Variants in CUX2 observed in about 807,000 individuals in gnomAD.
The protein encoded by CUX2 is homeobox protein cut-like 2.
A neutral mutation model predicts 144.8 loss-of-function variants in CUX2; 40 were observed. That is an observed-to-expected ratio of 0.28 (90% CI 0.21 to 0.36). CUX2 has a LOEUF of 0.36. Ranked by LOEUF, CUX2 falls within the 10% of genes least tolerant of loss-of-function variation. The pLI is 1.00. For missense variants in CUX2, 1,615 were observed against 1,994.0 expected, an observed-to-expected ratio of 0.81 and a Z score of 3.62; for synonymous variants, 827 against 875.6, an observed-to-expected ratio of 0.94 and a Z score of 0.98.
intron 1 of CUX2, among the ~76,000 whole-genome samples, chr12:111,176,619 A>T (rs1363430809): frequency 2.0e-5 from 3 of 152,010 alleles, no homozygotes; most frequent in Admixed American, 6.6e-5. Flanking sequence ...TTGGATGGGG[A>T]AAAAAAGGTT....
At position 111,349,715 on chromosome 12, in the gene CUX2, A is replaced by G. The variant is rs1592997513; in HGVS notation, c.*1390A>G. ...TCTAGGGTGAGAGTTCCCAATTTGGATAGAACGGCCACCATATTGGTTACT... is the reference window on the plus strand; with the variant it reads ...TCTAGGGTGAGAGTTCCCAATTTGGGTAGAACGGCCACCATATTGGTTACT... On this transcript the variant is annotated 3_prime_UTR_variant, in exon 22 of 22. Coordinates refer to ENST00000261726, the MANE Select transcript of CUX2 (RefSeq NM_015267.4). The G allele has an allele frequency of 6.6e-6, 1 of 152,278 alleles. No individual in the cohort carries two copies. Among genetic ancestry groups the G allele is most frequent in the East Asian group, 1.9e-4 (1 of 5,184 alleles). The allele number at this position is 152,278 out of a possible 1,614,324, so 9.4% of individuals were successfully genotyped here. A position where few individuals can be genotyped will look rare whatever the true frequency, so the allele number is the denominator to read the frequency against.
At chr12:111,311,603 A>ATT (rs369788655) in intron 15 of CUX2, among the ~76,000 whole-genome samples, 11,450 of 130,974 alleles carry the variant, frequency 0.087, 777 homozygotes, top group African/African-American at 0.18. Context: ...TATTATTATT[A>ATT]TTTTTTTTTT....
In CUX2 at chr12:111,037,870, G is replaced by A. The variant is rs1354954869; in HGVS notation, c.63+3630G>A. Reference sequence around the variant, plus strand: ...GTTAATTGAGCTAACAATGAGCTGGGGGGCACCCAGTCCAAATGAGGGTCC... The same window carrying A: ...GTTAATTGAGCTAACAATGAGCTGGAGGGCACCCAGTCCAAATGAGGGTCC... On this transcript the variant is annotated intron_variant, in intron 1 of 21. Coordinates refer to ENST00000261726, the MANE Select transcript of CUX2 (RefSeq NM_015267.4). This position sits in a 1 kb window ranked among gnomAD's most constrained non-coding sequence, Gnocchi z 5.4. 6.6e-6 allele frequency among the ~76,000 whole-genome samples: 1 copy of A among 152,092 alleles called. No individual in the cohort carries two copies. Among genetic ancestry groups the A allele is most frequent in the Non-Finnish European group, 1.5e-5 (1 of 68,024 alleles).
intron 4 of CUX2, among the ~76,000 whole-genome samples, chr12:111,274,303 A>G (rs1440321727): frequency 6.6e-6 from 1 of 152,084 alleles, no homozygotes; most frequent in Non-Finnish European, 1.5e-5. Context: ...GGTGGCCTTG[A>G]GTAACTGGCT....
chr12:111,036,174 G>A (rs1566182766), intron 1 of CUX2, among the ~76,000 whole-genome samples: 1 of 152,238 alleles, frequency 6.6e-6, no homozygotes, highest in Non-Finnish European at 1.5e-5. Flanking sequence ...CCTTTGCAGG[G>A]TCCTATTGTT....
rs116548440 is a variant in CUX2, at chr12:111,074,446, T to G, written c.63+40206T>G. On this transcript the variant is annotated intron_variant, in intron 1 of 21. Coordinates refer to ENST00000261726, the MANE Select transcript of CUX2 (RefSeq NM_015267.4). ...AAGTGGAAGATGGGGCAGGGAAACA[T>G]TCTAGCTGTTCCCTGCCTGATCAGC... Among the ~76,000 whole-genome samples, 322 of 152,126 alleles carry G rather than the reference T, an allele frequency of 2.1e-3. 9 individuals carry two copies. The highest frequency in any genetic ancestry group is 7.4e-3 in the African/African-American group (306 of 41,396).
intron 1 of CUX2, among the ~76,000 whole-genome samples, chr12:111,129,294 A>G (rs534653296): frequency 1.1e-4 from 16 of 152,358 alleles, no homozygotes; most frequent in African/African-American, 3.8e-4. Flanking sequence ...TGTGGAAGGG[A>G]AAGGTGATCA....
At chr12:111,046,861 C>T (rs182252017) in intron 1 of CUX2, among the ~76,000 whole-genome samples, 1 of 152,174 alleles carries the variant, frequency 6.6e-6, no homozygotes, top group African/African-American at 2.4e-5. Flanking sequence ...TTCACCACGT[C>T]GGCCAGGCTG....
At chr12:111,078,187 C>T (rs1177664660) in intron 1 of CUX2, among the ~76,000 whole-genome samples, 1 of 152,176 alleles carries the variant, frequency 6.6e-6, no homozygotes, top group Non-Finnish European at 1.5e-5. Context: ...GTGCCCGGCA[C>T]CAGACTAGGC....
Position 111,295,316 on chromosome 12 carries a change from G to C in CUX2, c.561-17G>C, listed in dbSNP as rs754576124. The C allele has an allele frequency of 1.2e-5, 19 of 1,610,512 alleles. No homozygotes were observed. Among genetic ancestry groups the C allele is most frequent in the East Asian group, 2.2e-5 (1 of 44,724 alleles). ...CTGTCCCTGCAGCCAGCACAAGCAG[G>C]CCTCGTCTCTCCGCAGGGGCCTTCA... On this transcript the variant is annotated splice_polypyrimidine_tract_variant and intron_variant, in intron 6 of 21. Coordinates refer to ENST00000261726, the MANE Select transcript of CUX2 (RefSeq NM_015267.4). The surrounding 1 kb of genome is among the most constrained non-coding windows in gnomAD (Gnocchi z 5.0).
intron 1 of CUX2, among the ~76,000 whole-genome samples, chr12:111,196,129 A>G (rs925908247): frequency 6.6e-6 from 1 of 152,220 alleles, no homozygotes; most frequent in African/African-American, 2.4e-5. Flanking sequence ...TCTTTGTATC[A>G]GCTTCTTACA....
intron 3 of CUX2, among the ~76,000 whole-genome samples, chr12:111,223,220 CCG>C (rs1881944269): frequency 6.6e-6 from 1 of 152,124 alleles, no homozygotes; most frequent in Non-Finnish European, 1.5e-5. Flanking sequence ...CCCTAGGATT[CCG>C]CATGGAATCC....
At chr12:111,193,133 GT>G (rs1338385633) in intron 1 of CUX2, among the ~76,000 whole-genome samples, 1 of 152,184 alleles carries the variant, frequency 6.6e-6, no homozygotes, top group Non-Finnish European at 1.5e-5. Flanking sequence ...GTCTTTAAGG[GT>G]TGGTGGTCAG....
chr12:111,295,558 G>T lies in CUX2; in HGVS notation c.637+149G>T. On this transcript the variant is annotated intron_variant, in intron 7 of 21. Transcript: ENST00000261726. This position sits in a 1 kb window ranked among gnomAD's most constrained non-coding sequence, Gnocchi z 5.0. The stretch of plus-strand genomic sequence containing the variant: ...AGTTTGGGAAGAATAATCTTACCCA[G>T]TGGGGGGCTGAGCCTCTATGCCCCA... The T allele has an allele frequency of 3.1e-6, 2 of 653,948 alleles. No homozygotes were observed. The highest frequency in any genetic ancestry group is 5.1e-6 in the Non-Finnish European group (2 of 393,072). The allele number at this position is 653,948 out of a possible 1,614,324, so 40.5% of individuals were successfully genotyped here.
At chr12:111,089,128 A>G (rs765443875) in intron 1 of CUX2, among the ~76,000 whole-genome samples, 93 of 152,332 alleles carry the variant, frequency 6.1e-4, no homozygotes, top group South Asian at 1.0e-3. Flanking sequence ...CCCTAGCTCC[A>G]GCATCCTGTG....
Position 111,081,543 on chromosome 12 carries a change from C to T in CUX2, c.63+47303C>T, listed in dbSNP as rs189116222. Among the ~76,000 whole-genome samples, 125 of 152,166 alleles carry T rather than the reference C, an allele frequency of 8.2e-4. 1 individual carries two copies. The highest frequency in any genetic ancestry group is 3.4e-3 in the Middle Eastern group (1 of 294). The stretch of plus-strand genomic sequence containing the variant: ...ACTCTTAATTGCAAACAACAGAAAC[C>T]GACTCAGCCCCCACCAAGACTCATG... On this transcript the variant is annotated intron_variant, in intron 1 of 21. Coordinates refer to ENST00000261726, the MANE Select transcript of CUX2 (RefSeq NM_015267.4).
chr12:111,166,051 C>T (rs940556113), intron 1 of CUX2, among the ~76,000 whole-genome samples: 2 of 152,134 alleles, frequency 1.3e-5, no homozygotes, highest in African/African-American at 4.8e-5. Flanking sequence ...CTGGGTGTCT[C>T]GCTGTCACCC....
At chr12:111,202,347 G>A (rs1397008562) in intron 1 of CUX2, among the ~76,000 whole-genome samples, 1 of 152,216 alleles carries the variant, frequency 6.6e-6, no homozygotes, top group Non-Finnish European at 1.5e-5. Flanking sequence ...ATATAAATCA[G>A]CAATCAAGGG....
chr12:111,131,196 G>A (rs149180587), intron 1 of CUX2, among the ~76,000 whole-genome samples: 1 of 152,126 alleles, frequency 6.6e-6, no homozygotes, highest in African/African-American at 2.4e-5. Context: ...CTTACATGGT[G>A]GTGGCAAGAG....
Sources: allele counts gnomAD v4.1 joint callset (sites outside exome capture counted in the v4.1 genomes callset), GRCh38; gene constraint gnomAD v4.1.1; non-coding constraint Gnocchi (gnomAD v3.1); transcripts MANE v1.5; gene names NCBI Gene and HGNC (gene_info 2026-07-23, HGNC 2026-07-21).